Variants in PLA2G4C observed in about 807,000 individuals in gnomAD.
PLA2G4C encodes phospholipase A2 group IVC, also known as cytosolic phospholipase A2 gamma.
Under a neutral mutation model 73.8 loss-of-function variants are expected in PLA2G4C, and 64 were observed. The ratio of observed to expected loss-of-function variants is 0.87; its 90% CI spans 0.71 to 1.07. The LOEUF (loss-of-function observed/expected upper bound fraction) is 1.07, where lower values mean the gene tolerates loss of function less well. Among genes scored for constraint, PLA2G4C ranks in the 50% least tolerant of loss-of-function variants. The pLI, the probability that PLA2G4C is intolerant of heterozygous loss-of-function variation, is 0.00. For synonymous variants in PLA2G4C, 254 were observed against 252.1 expected (o/e 1.01, Z -0.07); for missense variants, 622 against 665.4 (o/e 0.93, Z 0.72).
rs781119440 is a variant in PLA2G4C, at chr19:48,085,052, TACTC to T, written c.844+3_844+6del. The T allele has an allele frequency of 4.4e-6, 7 of 1,602,546 alleles. No homozygotes were observed. Among genetic ancestry groups the T allele is most frequent in the African/African-American group, 4.0e-5 (3 of 74,700 alleles). ...GGCTTTGACCTTTCTGTTCCCCAAA[TACTC>T]ACCAAAAATAAGGTGTCCAATGCTT... On this transcript the variant is annotated splice_donor_5th_base_variant and intron_variant, in intron 10 of 16. Coordinates refer to ENST00000599921, the MANE Select transcript of PLA2G4C (RefSeq NM_003706.3).
intron 6 of PLA2G4C, 27 bp from the exon 7 acceptor site, chr19:48,095,631 A>AGTCC: frequency 6.2e-7 from 1 of 1,612,920 alleles, no homozygotes; most frequent in Non-Finnish European, 8.5e-7. Context: ...ACGGCAAGTG[A>AGTCC]GTCCCAGCAC....
chr19:48,081,954 G>A (rs2030600471), intron 10 of PLA2G4C, among the ~76,000 whole-genome samples: 1 of 151,844 alleles, frequency 6.6e-6, no homozygotes, highest in South Asian at 2.1e-4. Context: ...GGTGGTACGT[G>A]CCTGTAATTC....
intron 12 of PLA2G4C, among the ~76,000 whole-genome samples, chr19:48,074,210 C>T (rs1164665008): frequency 6.6e-6 from 1 of 152,114 alleles, no homozygotes; most frequent in Non-Finnish European, 1.5e-5. Flanking sequence ...ATTCAGCTCC[C>T]ACTTATAAGT....
intron 1 of PLA2G4C, among the ~76,000 whole-genome samples, chr19:48,108,412 A>C (rs2032334970): frequency 6.6e-6 from 1 of 152,178 alleles, no homozygotes; most frequent in South Asian, 2.1e-4. Context: ...TGGGGATTAC[A>C]GGTGTTAGCT....
At chr19:48,071,686 C>T (rs985516203) in intron 12 of PLA2G4C, among the ~76,000 whole-genome samples, 2 of 152,096 alleles carry the variant, frequency 1.3e-5, no homozygotes, top group Non-Finnish European at 2.9e-5. Context: ...TGGCCTCAAG[C>T]GACCCTCCCG....
chr19:48,068,500 G>A (rs1312710762), intron 12 of PLA2G4C, among the ~76,000 whole-genome samples: 2 of 151,634 alleles, frequency 1.3e-5, no homozygotes, highest in African/African-American at 2.4e-5. Flanking sequence ...TTGGGCAAGA[G>A]AGCGAGACCA....
intron 12 of PLA2G4C, among the ~76,000 whole-genome samples, chr19:48,069,933 T>C (rs1249337305): frequency 6.6e-6 from 1 of 152,004 alleles, no homozygotes; most frequent in Non-Finnish European, 1.5e-5. Flanking sequence ...CCCGGCTAAA[T>C]ATTTTTTTGT....
chr19:48,100,515 G>A (rs1485308363), intron 4 of PLA2G4C, among the ~76,000 whole-genome samples: 6 of 149,062 alleles, frequency 4.0e-5, no homozygotes, highest in African/African-American at 1.0e-4. Context: ...TGAAGCAGAG[G>A]AATCGCTTGA....
chr19:48,056,592 G>A (rs4802424), intron 14 of PLA2G4C, among the ~76,000 whole-genome samples: 83,425 of 151,200 alleles, frequency 0.55, 24,891 homozygotes, highest in East Asian at 0.83. Flanking sequence ...CAGCACTTTG[G>A]GAGGCTGAGG....
chr19:48,110,778 G>T lies in PLA2G4C; in HGVS notation c.-324C>A, dbSNP rs1170750942. 3 of 395,342 alleles carry T rather than the reference G, an allele frequency of 7.6e-6. No homozygotes were observed. The highest frequency in any genetic ancestry group is 6.2e-5 in the African/African-American group (3 of 48,018). 24.5% of individuals were successfully genotyped at this position (395,342 alleles called of 1,614,324 possible). A position where few individuals can be genotyped will look rare whatever the true frequency, so the allele number is the denominator to read the frequency against. On this transcript the variant is annotated 5_prime_UTR_variant, in exon 1 of 17. Transcript: ENST00000599921. ...CCTGCGCCTTTAAACAGCCCTCCTC[G>T]GCTTGTAGGCCCTGCTTGGTTGCTC...
intron 6 of PLA2G4C, chr19:48,097,937 C>A: frequency 2.1e-6 from 1 of 483,052 alleles, no homozygotes; most frequent in Non-Finnish European, 3.6e-6. Context: ...TTTTCTTGAT[C>A]CATGCAAAGC....
At chr19:48,062,324 GC>G in intron 13 of PLA2G4C, 172 bp from the exon 14 acceptor site, 1 of 562,706 alleles carries the variant, frequency 1.8e-6, no homozygotes. Flanking sequence ...ATATGTTGAA[GC>G]CCTGGCTGGG....
At chr19:48,097,776 T>G (rs571769432) in intron 6 of PLA2G4C, 55 of 185,094 alleles carry the variant, frequency 3.0e-4, no homozygotes, top group African/African-American at 1.1e-3. Context: ...TTTTTTGTTT[T>G]GTTTTGTTTT....
At chr19:48,107,800 C>G (rs2081947) in intron 1 of PLA2G4C, among the ~76,000 whole-genome samples, 45,972 of 152,122 alleles carry the variant, frequency 0.3, 7,934 homozygotes, top group East Asian at 0.51. Context: ...CTCTAGATAG[C>G]AGTAGCAGAA....
intron 11 of PLA2G4C, among the ~76,000 whole-genome samples, chr19:48,077,038 T>C (rs1048733507): frequency 5.3e-5 from 8 of 152,234 alleles, no homozygotes; most frequent in Non-Finnish European, 1.2e-4. Context: ...GGGTCAAGTC[T>C]GATTCCTTCA....
chr19:48,094,802 T>G (rs2122649021), intron 7 of PLA2G4C, among the ~76,000 whole-genome samples: 1 of 152,328 alleles, frequency 6.6e-6, no homozygotes, highest in Admixed American at 6.5e-5. Flanking sequence ...TAATTTTTTC[T>G]GGAAATACCC....
At chr19:48,073,469 C>T (rs1248230292) in intron 12 of PLA2G4C, among the ~76,000 whole-genome samples, 2 of 151,774 alleles carry the variant, frequency 1.3e-5, no homozygotes, top group Non-Finnish European at 2.9e-5. Context: ...CTGACATTTC[C>T]CCTTTGTCAC....
intron 8 of PLA2G4C, among the ~76,000 whole-genome samples, chr19:48,089,319 C>T (rs1040757360): frequency 5.3e-5 from 8 of 151,908 alleles, no homozygotes; most frequent in African/African-American, 1.5e-4. Flanking sequence ...CCCAGTTACT[C>T]GGGAGGAGAG....
At chr19:48,105,622 C>A in intron 2 of PLA2G4C, 178 bp from the exon 3 acceptor site, 1 of 569,784 alleles carries the variant, frequency 1.8e-6, no homozygotes, top group Non-Finnish European at 3.1e-6. Context: ...TTGTACAACA[C>A]TGTGAATGCA....
Sources: allele counts gnomAD v4.1 joint callset (sites outside exome capture counted in the v4.1 genomes callset), GRCh38; gene constraint gnomAD v4.1.1; transcripts MANE v1.5; gene names NCBI Gene and HGNC (gene_info 2026-07-23, HGNC 2026-07-21).